AHCYL2: variants seen among roughly 807,000 people sequenced by gnomAD.
AHCYL2 encodes the protein adenosylhomocysteinase like 2, also known as S-adenosylhomocysteine hydrolase-like protein 2.
In AHCYL2, 28 loss-of-function variants were observed where a neutral mutation model predicts 81.4. The observed-to-expected ratio is 0.34, with a 90% CI of 0.25 to 0.47. AHCYL2 has a LOEUF of 0.47. Among genes scored for constraint, AHCYL2 ranks in the 20% least tolerant of loss-of-function variants. The pLI, the probability that AHCYL2 is intolerant of heterozygous loss-of-function variation, is 1.00. For synonymous variants in AHCYL2, 272 were observed against 290.2 expected (o/e 0.94, Z 0.64); for missense variants, 551 against 785.1 (o/e 0.70, Z 3.56).
At chr7:129,313,092 A>G (rs1043876377) in intron 1 of AHCYL2, among the ~76,000 whole-genome samples, 4 of 152,222 alleles carry the variant, frequency 2.6e-5, no homozygotes, top group African/African-American at 9.6e-5. Flanking sequence ...AAGGGCAGGG[A>G]TTTTTGTTCT....
intron 1 of AHCYL2, among the ~76,000 whole-genome samples, chr7:129,282,825 T>C (rs1440382941): frequency 6.6e-6 from 1 of 152,118 alleles, no homozygotes; most frequent in Non-Finnish European, 1.5e-5. Flanking sequence ...TTGAATCCTT[T>C]CCTTAAGATT....
chr7:129,266,104 A>G (rs973953454), intron 1 of AHCYL2, among the ~76,000 whole-genome samples: 1 of 152,198 alleles, frequency 6.6e-6, no homozygotes, highest in African/African-American at 2.4e-5. Context: ...TTCCTGTTTT[A>G]GTATATTCCT....
At chr7:129,327,077 A>G (rs1798250734) in intron 1 of AHCYL2, among the ~76,000 whole-genome samples, 1 of 152,184 alleles carries the variant, frequency 6.6e-6, no homozygotes, top group South Asian at 2.1e-4. Context: ...TGTTACTGCT[A>G]TGGACTGAAT....
chr7:129,253,144 T>C (rs1795298145), intron 1 of AHCYL2, among the ~76,000 whole-genome samples: 1 of 150,504 alleles, frequency 6.6e-6, no homozygotes, highest in Non-Finnish European at 1.5e-5. Context: ...GAGGTGGAGG[T>C]TGCAGTGAGC....
chr7:129,269,224 G>A (rs1161883669), intron 1 of AHCYL2, among the ~76,000 whole-genome samples: 1 of 149,290 alleles, frequency 6.7e-6, no homozygotes, highest in Non-Finnish European at 1.5e-5. Flanking sequence ...CCAGGCTCAA[G>A]CCATCCTCCC....
intron 1 of AHCYL2, among the ~76,000 whole-genome samples, chr7:129,362,326 T>C (rs1398365085): frequency 2.0e-5 from 3 of 152,152 alleles, no homozygotes; most frequent in Admixed American, 1.3e-4. Context: ...AAAAAATACC[T>C]GTGAGGTATG....
At position 129,225,157 on chromosome 7, in the gene AHCYL2, G is replaced by A. The variant is rs960734404; in HGVS notation, c.81G>A (p.Ala27=). 4 of 1,598,510 alleles carry A rather than the reference G, an allele frequency of 2.5e-6. No individual in the cohort carries two copies. The South Asian group carries it at 3.4e-5, about 13-fold the overall frequency. The change falls in exon 1 of 17, where the codon GCG becomes GCA. Residue 27 remains alanine (A), a synonymous_variant. Coordinates refer to ENST00000325006, the MANE Select transcript of AHCYL2 (RefSeq NM_015328.4). ...VELKDLSPSE[A]ESQLGLSTAA... Reference sequence around the variant, plus strand: ...TGAAGGACCTGAGCCCCTCCGAGGCGGAGTCGCAACTAGGACTGAGCACGG... The same window carrying A: ...TGAAGGACCTGAGCCCCTCCGAGGCAGAGTCGCAACTAGGACTGAGCACGG...
At chr7:129,415,757 T>C (rs78861522) in intron 12 of AHCYL2, among the ~76,000 whole-genome samples, 1 of 151,762 alleles carries the variant, frequency 6.6e-6, no homozygotes, top group Non-Finnish European at 1.5e-5. Flanking sequence ...TCGAGACCAG[T>C]CTAGGCAACA....
At chr7:129,289,157 A>G (rs1796747778) in intron 1 of AHCYL2, among the ~76,000 whole-genome samples, 1 of 151,850 alleles carries the variant, frequency 6.6e-6, no homozygotes, top group Non-Finnish European at 1.5e-5. Context: ...TGGCACAATT[A>G]CAGCTCACTG....
chr7:129,268,038 A>G (rs1355954364), intron 1 of AHCYL2, among the ~76,000 whole-genome samples: 3 of 138,388 alleles, frequency 2.2e-5, no homozygotes. Context: ...GACTTTTTGG[A>G]CAAACTTGCT....
At chr7:129,293,205 G>A (rs1796930849) in intron 1 of AHCYL2, among the ~76,000 whole-genome samples, 1 of 151,988 alleles carries the variant, frequency 6.6e-6, no homozygotes, top group African/African-American at 2.4e-5. Flanking sequence ...TGTAATGGTT[G>A]CGGAAAAGGA....
Position 129,422,856 on chromosome 7 carries a change from C to T in AHCYL2, c.1478C>T (p.Pro493Leu). Residue 493 changes from proline to leucine, a missense_variant, in exon 13 of 17, where the codon CCA (proline) becomes CTA (leucine). Transcript: ENST00000325006. The stretch of plus-strand genomic sequence containing the variant: ...GTGTTCCAGGCGAGTCTGCGGACAC[C>T]AGAACTGACCTGGGAGCGAGTGAGA... ...TEIDVASLRTPELTWERVRSQ... is the reference protein window; with the variant it reads ...TEIDVASLRTLELTWERVRSQ... 1 of 1,613,958 alleles carries T rather than the reference C, an allele frequency of 6.2e-7. No homozygotes were observed. The highest frequency in any genetic ancestry group is 8.5e-7 in the Non-Finnish European group (1 of 1,179,972).
chr7:129,247,924 T>C (rs1795117644), intron 1 of AHCYL2, among the ~76,000 whole-genome samples: 2 of 152,214 alleles, frequency 1.3e-5, no homozygotes, highest in Non-Finnish European at 2.9e-5. Context: ...TTTGGTGGTA[T>C]AACAAAGAAA....
At chr7:129,289,101 C>CT (rs1488667517) in intron 1 of AHCYL2, among the ~76,000 whole-genome samples, 1 of 150,974 alleles carries the variant, frequency 6.6e-6, no homozygotes, top group East Asian at 2.0e-4. Flanking sequence ...TTTTATTTTA[C>CT]TTTTTTGAGT....
chr7:129,376,551 C>T (rs1239184094), intron 1 of AHCYL2, among the ~76,000 whole-genome samples: 2 of 152,192 alleles, frequency 1.3e-5, no homozygotes, highest in East Asian at 3.8e-4. Flanking sequence ...ATAGAAAACA[C>T]TATAGAGAAG....
chr7:129,358,268 T>C (rs1165373142), intron 1 of AHCYL2, among the ~76,000 whole-genome samples: 1 of 151,936 alleles, frequency 6.6e-6, no homozygotes, highest in Non-Finnish European at 1.5e-5. Flanking sequence ...GGCGGGCGCC[T>C]GTAGTCCCAG....
intron 12 of AHCYL2, among the ~76,000 whole-genome samples, chr7:129,421,116 A>G (rs1431624823): frequency 2.0e-5 from 3 of 152,070 alleles, no homozygotes; most frequent in Admixed American, 1.3e-4. Flanking sequence ...GCTGGGCATG[A>G]TGGCAGGTGC....
At position 129,389,135 on chromosome 7, in the gene AHCYL2, C is replaced by T. The variant is rs1428561237; in HGVS notation, c.555C>T (p.Asp185=). ...KQQKNSKGSS[D]FCVKNIKQAE... ...AAAAGAACTCTAAGGGAAGCAGTGA[C>T]TTCTGTGTTAAGAACATCAAACAGG... is the stretch of plus-strand genomic sequence containing the variant. The change falls in exon 3 of 17, where the codon GAC becomes GAT. Residue 185 remains aspartate (D), a synonymous_variant. Coordinates refer to ENST00000325006, the MANE Select transcript of AHCYL2 (RefSeq NM_015328.4). 6.2e-7 allele frequency: 1 copy of T among 1,613,888 alleles called. No individual in the cohort carries two copies. Among genetic ancestry groups the T allele is most frequent in the South Asian group, 1.1e-5 (1 of 91,064 alleles).
chr7:129,283,061 A>C (rs1261159668), intron 1 of AHCYL2, among the ~76,000 whole-genome samples: 1 of 152,130 alleles, frequency 6.6e-6, no homozygotes, highest in Non-Finnish European at 1.5e-5. Context: ...TAGTTCCTAC[A>C]TGCACTCACT....
Sources: gnomAD v4.1 joint callset for allele counts (sites outside exome capture counted in the v4.1 genomes callset) on GRCh38, gnomAD v4.1.1 for gene constraint, MANE v1.5 for transcripts, NCBI Gene and HGNC (gene_info 2026-07-23, HGNC 2026-07-21) for gene names.